Variants in ZNF534 observed in about 807,000 individuals in gnomAD.
ZNF534 encodes the protein KRAB domain only 3.
In ZNF534, 19 loss-of-function variants were observed where a neutral mutation model predicts 13.6. The observed-to-expected ratio is 1.40, with a 90% CI of 0.97 to 2.05. The LOEUF (loss-of-function observed/expected upper bound fraction) is 2.05, where lower values mean the gene tolerates loss of function less well. ZNF534 is among the 30% of genes most tolerant of loss of function. The pLI, the probability that ZNF534 is intolerant of heterozygous loss-of-function variation, is 0.00. For synonymous variants in ZNF534, 244 were observed against 273.8 expected, an observed-to-expected ratio of 0.89 and a Z score of 1.07; for missense variants, 782 against 796.3, an observed-to-expected ratio of 0.98 and a Z score of 0.22.
chr19:52,449,825 G>GC (rs2059206861), intron 4 of ZNF534, among the ~76,000 whole-genome samples: 1 of 152,046 alleles, frequency 6.6e-6, no homozygotes, highest in Non-Finnish European at 1.5e-5. Context: ...TTGAAGCCTA[G>GC]CCTGGCCAAG....
At chr19:52,445,253 G>C (rs1385991524), downstream of ZNF534, among the ~76,000 whole-genome samples, 1 of 151,360 alleles carries the variant, frequency 6.6e-6, no homozygotes, top group African/African-American at 2.4e-5. Context: ...CTGGAGTGCA[G>C]TGGTGCAGTC....
chr19:52,434,988 G>C, intron 3 of ZNF534, 93 bp from the exon 4 acceptor site: 1 of 1,418,278 alleles, frequency 7.1e-7, no homozygotes, highest in Non-Finnish European at 9.4e-7. Context: ...TATTATTCTT[G>C]ATTAATTTGT....
chr19:52,444,549 G>A (rs534573252), downstream of ZNF534, among the ~76,000 whole-genome samples: 8 of 152,074 alleles, frequency 5.3e-5, no homozygotes, highest in South Asian at 1.7e-3. Context: ...GTGGGGGCAG[G>A]GCACTAGAAC....
chr19:52,451,402 A>T, exon 5 of ZNF534: 1 of 752,390 alleles, frequency 1.3e-6, no homozygotes, highest in Non-Finnish European at 2.3e-6. Context: ...CGGGACTCTC[A>T]GGGCCGGGCC....
chr19:52,439,995 G>A lies in ZNF534; in HGVS notation c.*549G>A, dbSNP rs2059161885. ...AGGCAGGAGAATTGCTTGAACCTGG[G>A]AGGCAGAGGTTGTGATGAGCCGAGA... On this transcript the variant is annotated 3_prime_UTR_variant, in exon 5 of 5. Coordinates refer to ENST00000433050, the MANE Select transcript of ZNF534 (RefSeq NM_001143938.3). Among the ~76,000 whole-genome samples the A allele has an allele frequency of 6.6e-6, 1 of 152,150 alleles. No homozygotes were observed. Among genetic ancestry groups the A allele is most frequent in the South Asian group, 2.1e-4 (1 of 4,830 alleles).
intron 4 of ZNF534, among the ~76,000 whole-genome samples, chr19:52,449,722 CTTT>C (rs1344519830): frequency 0.014 from 2,132 of 151,996 alleles, 50 homozygotes; most frequent in African/African-American, 0.048. Flanking sequence ...TTTTAATTGG[CTTT>C]AAAAATTTGT....
downstream of ZNF534, among the ~76,000 whole-genome samples, chr19:52,446,806 T>C (rs1264133670): frequency 6.6e-6 from 1 of 152,162 alleles, no homozygotes; most frequent in Non-Finnish European, 1.5e-5. Context: ...TGCAGTGAGC[T>C]ATGATTGCAC....
downstream of ZNF534, among the ~76,000 whole-genome samples, chr19:52,443,866 G>T (rs906224323): frequency 1.3e-5 from 2 of 151,888 alleles, no homozygotes; most frequent in African/African-American, 4.8e-5. Context: ...TGCATCCATT[G>T]TTTCCTGAGG....
chr19:52,441,009 C>G lies in ZNF534; in HGVS notation c.*1563C>G, dbSNP rs552322020. On this transcript the variant is annotated 3_prime_UTR_variant, in exon 5 of 5. Coordinates refer to ENST00000433050, the MANE Select transcript of ZNF534 (RefSeq NM_001143938.3). The stretch of plus-strand genomic sequence containing the variant: ...CGCCACCTCCTAGGTTCAAGCAATT[C>G]TCCTGCCTCTACCTCCCGAGTAGCT... Among the ~76,000 whole-genome samples the G allele has an allele frequency of 6.6e-5, 10 of 151,876 alleles. No individual in the cohort carries two copies. In the East Asian group the frequency reaches 1.8e-3, roughly 27 times the overall value.
chr19:52,433,236 C>CAAAAAAAAAAAAAAAA (rs1171627054), intron 2 of ZNF534, among the ~76,000 whole-genome samples: 2 of 64,620 alleles, frequency 3.1e-5, no homozygotes, highest in Non-Finnish European at 2.9e-5. Flanking sequence ...GATCCTATCT[C>CAAAAAAAAAAAAAAAA]AAAAAAAAAA....
At chr19:52,429,456 T>C (rs1315615304) in intron 1 of ZNF534, among the ~76,000 whole-genome samples, 13 of 152,146 alleles carry the variant, frequency 8.5e-5, no homozygotes. Flanking sequence ...GCCTCACGCC[T>C]GTAATCCTGG....
intron 4 of ZNF534, among the ~76,000 whole-genome samples, chr19:52,435,713 C>T (rs368348571): frequency 2.5e-4 from 38 of 152,016 alleles, no homozygotes; most frequent in African/African-American, 8.9e-4. Context: ...CCATATTACC[C>T]AGGCTGTACT....
downstream of ZNF534, among the ~76,000 whole-genome samples, chr19:52,443,707 G>C (rs771309005): frequency 2.6e-5 from 4 of 151,682 alleles, no homozygotes; most frequent in Non-Finnish European, 1.5e-5. Context: ...CCGAGATTGC[G>C]CCATTGCACT....
downstream of ZNF534, among the ~76,000 whole-genome samples, chr19:52,446,895 A>G (rs1568449404): frequency 6.6e-6 from 1 of 152,188 alleles, no homozygotes; most frequent in East Asian, 1.9e-4. Flanking sequence ...ATAGTTCTGG[A>G]TGTCAGAAGC....
downstream of ZNF534, among the ~76,000 whole-genome samples, chr19:52,443,001 G>A (rs1006518089): frequency 2.0e-4 from 31 of 152,262 alleles, no homozygotes; most frequent in African/African-American, 7.5e-4. Flanking sequence ...TAAAGGCATG[G>A]CATTTTTATG....
rs895750350 is a variant in ZNF534, at chr19:52,440,889, G to A, written c.*1443G>A. Among the ~76,000 whole-genome samples, 1 of 151,750 alleles carries A rather than the reference G, an allele frequency of 6.6e-6. No individual in the cohort carries two copies. Among genetic ancestry groups the A allele is most frequent in the Non-Finnish European group, 1.5e-5 (1 of 67,958 alleles). On this transcript the variant is annotated 3_prime_UTR_variant, in exon 5 of 5. Transcript: ENST00000433050. ...AACTGTTCATTTTGTAATCCATAGT[G>A]GAGATAAGTCTTTTTTTTTTTTTTC... is the stretch of plus-strand genomic sequence containing the variant.
chr19:52,433,395 C>A (rs970485917), intron 2 of ZNF534, among the ~76,000 whole-genome samples: 1 of 151,310 alleles, frequency 6.6e-6, no homozygotes, highest in Non-Finnish European at 1.5e-5. Flanking sequence ...GGGACGGAGT[C>A]TCACTCTGTC....
rs1364236166 is a variant in ZNF534 at position 52,439,336 on chromosome 19, A to T, written c.1876A>T (p.Asn626Tyr). The change falls in exon 5 of 5, where the codon AAT (asparagine) becomes TAT (tyrosine). Residue 626 changes from asparagine to tyrosine, a missense_variant. Physicochemically the swap from Asn to Tyr is moderately radical, Grantham distance 143 (BLOSUM62 -2). Around this residue, in one of 5 missense-constraint regions of ZNF534, gnomAD observed 60 missense variants for 59.9 expected, o/e 1.00. Transcript: ENST00000433050. ...SRNSRLAQHR[N>Y]IHTGVKPYSC... ...GAATTCACGCCTTGCACAACATAGG[A>T]ATATTCATACTGGAGTGAAGCCTTA... 7.7e-6 allele frequency: 12 copies of T among 1,553,304 alleles called. No individual in the cohort carries two copies. In the Admixed American group the frequency reaches 1.4e-4, roughly 18 times the overall value.
At position 52,441,573 on chromosome 19, in the gene ZNF534, T is replaced by C. The variant is rs1378385455; in HGVS notation, c.*2127T>C. ...TCACAAGTATTCCCTAACAAATCAC[T>C]ATAGAATTCATACTGCAGAGAAGCC... On this transcript the variant is annotated 3_prime_UTR_variant, in exon 5 of 5. Transcript: ENST00000433050. Among the ~76,000 whole-genome samples the C allele has an allele frequency of 1.3e-5, 2 of 152,158 alleles. No individual in the cohort carries two copies. Among genetic ancestry groups the C allele is most frequent in the Admixed American group, 1.3e-4 (2 of 15,276 alleles).
Sources: gnomAD v4.1 joint callset for allele counts (sites outside exome capture counted in the v4.1 genomes callset) on GRCh38, gnomAD v4.1.1 for gene constraint, gnomAD v4.1.1 regional missense constraint, MANE v1.5 for transcripts, NCBI Gene and HGNC (gene_info 2026-07-23, HGNC 2026-07-21) for gene names.